MED13L: variants seen among roughly 807,000 people sequenced by gnomAD.
The protein encoded by MED13L is mediator complex subunit 13L, also known as mediator of RNA polymerase II transcription subunit 13-like.
MED13L carries 7 observed loss-of-function variants against 220.9 expected under a neutral mutation model. The observed-to-expected ratio is 0.03, with a 90% CI of 0.02 to 0.06. The LOEUF (loss-of-function observed/expected upper bound fraction) is 0.06. Among genes scored for constraint, MED13L ranks in the 10% least tolerant of loss-of-function variants. The pLI is 1.00. For synonymous variants in MED13L, 1,011 were observed against 1,015.2 expected, an observed-to-expected ratio of 1.00 and a Z score of 0.08; for missense variants, 1,965 against 2,760.5, an observed-to-expected ratio of 0.71 and a Z score of 6.46.
At chr12:116,223,732 C>A (rs1868673377) in intron 2 of MED13L, among the ~76,000 whole-genome samples, 1 of 151,822 alleles carries the variant, frequency 6.6e-6, no homozygotes, top group African/African-American at 2.4e-5. Flanking sequence ...TAAGATACTG[C>A]AAAAAGAGAA....
intron 1 of MED13L, among the ~76,000 whole-genome samples, chr12:116,249,297 G>T (rs1253261948): frequency 6.6e-6 from 1 of 152,112 alleles, no homozygotes; most frequent in Non-Finnish European, 1.5e-5. Context: ...TCTAACCCAA[G>T]CTAATAATCA....
At chr12:116,078,936 A>T (rs1871023434) in intron 4 of MED13L, among the ~76,000 whole-genome samples, 1 of 152,230 alleles carries the variant, frequency 6.6e-6, no homozygotes, top group Non-Finnish European at 1.5e-5. Flanking sequence ...CTATTTCAGA[A>T]TGACATCAAG....
intron 4 of MED13L, among the ~76,000 whole-genome samples, chr12:116,086,283 CTTT>C (rs756507659): frequency 3.7e-5 from 4 of 109,482 alleles, no homozygotes; most frequent in Non-Finnish European, 1.8e-5. Flanking sequence ...CACGATAATT[CTTT>C]TTTTTTTTTT....
intron 8 of MED13L, among the ~76,000 whole-genome samples, chr12:116,013,491 A>G (rs1879542088): frequency 6.6e-6 from 1 of 152,190 alleles, no homozygotes; most frequent in African/African-American, 2.4e-5. Flanking sequence ...TTGTGCTTAG[A>G]CTTAAGTCCC....
intron 2 of MED13L, among the ~76,000 whole-genome samples, chr12:116,214,165 G>T (rs1223812441): frequency 1.3e-5 from 2 of 152,128 alleles, no homozygotes; most frequent in African/African-American, 4.8e-5. Flanking sequence ...AGTAAATTAG[G>T]ATTCCTTAGT....
At chr12:116,099,116 G>A (rs2392969) in intron 3 of MED13L, among the ~76,000 whole-genome samples, 64,038 of 151,912 alleles carry the variant, frequency 0.42, 13,685 homozygotes, top group Middle Eastern at 0.47. Flanking sequence ...GGCAATTTTT[G>A]TAGATGAAGA....
intron 2 of MED13L, among the ~76,000 whole-genome samples, chr12:116,165,504 G>A (rs1185274331): frequency 1.3e-5 from 2 of 151,688 alleles, no homozygotes; most frequent in East Asian, 3.9e-4. Context: ...CTAACTTTTT[G>A]TATTTTTAGT....
At chr12:116,192,177 G>A (rs1881333068) in intron 2 of MED13L, among the ~76,000 whole-genome samples, 2 of 152,112 alleles carry the variant, frequency 1.3e-5, no homozygotes. Flanking sequence ...CAGTGCCCTG[G>A]ATCCACATCT....
At chr12:116,250,095 A>G (rs1170325196) in intron 1 of MED13L, among the ~76,000 whole-genome samples, 3 of 151,450 alleles carry the variant, frequency 2.0e-5, no homozygotes, top group Non-Finnish European at 2.9e-5. Flanking sequence ...CCAGTGATAA[A>G]AAGGAAAATA....
intron 2 of MED13L, among the ~76,000 whole-genome samples, chr12:116,130,357 CCCACAG>C (rs951856181): frequency 6.6e-6 from 1 of 152,136 alleles, no homozygotes; most frequent in African/African-American, 2.4e-5. Flanking sequence ...CCAAGAATTC[CCCACAG>C]CCACCCGCTA....
chr12:116,258,975 G>A (rs1409787132), intron 1 of MED13L, among the ~76,000 whole-genome samples: 24 of 148,912 alleles, frequency 1.6e-4, no homozygotes, highest in African/African-American at 5.9e-4. Flanking sequence ...ATTACAGGCA[G>A]GGACAGAAAA....
chr12:116,216,895 T>C (rs966618391), intron 2 of MED13L, among the ~76,000 whole-genome samples: 2 of 152,316 alleles, frequency 1.3e-5, no homozygotes, highest in African/African-American at 2.4e-5. Flanking sequence ...CCCATATCAA[T>C]GTACAAAAAT....
intron 28 of MED13L, among the ~76,000 whole-genome samples, chr12:115,966,515 T>C (rs909996491): frequency 1.1e-4 from 16 of 152,238 alleles, no homozygotes; most frequent in Non-Finnish European, 1.9e-4. Flanking sequence ...ATCTATTTCA[T>C]GGCATTATGA....
intron 25 of MED13L, 148 bp from the exon 26 acceptor site, chr12:115,972,384 T>C: frequency 1.1e-6 from 1 of 880,794 alleles, no homozygotes; most frequent in Non-Finnish European, 1.8e-6. Flanking sequence ...CCCTCCTTGC[T>C]ATAGAGAATG....
chr12:116,223,332 TA>T (rs565853514), intron 2 of MED13L, among the ~76,000 whole-genome samples: 9 of 150,924 alleles, frequency 6.0e-5, no homozygotes, highest in African/African-American at 2.2e-4. Flanking sequence ...TCTACAATAC[TA>T]AAAAAAAATA....
chr12:116,134,053 C>T (rs1430870416), intron 2 of MED13L, among the ~76,000 whole-genome samples: 2 of 152,140 alleles, frequency 1.3e-5, no homozygotes, highest in Non-Finnish European at 1.5e-5. Flanking sequence ...CCTATTGTGC[C>T]CTGTCTTAAG....
intron 2 of MED13L, among the ~76,000 whole-genome samples, chr12:116,129,102 T>A (rs554198354): frequency 1.3e-5 from 2 of 152,332 alleles, no homozygotes; most frequent in African/African-American, 4.8e-5. Context: ...TTGTGATTGT[T>A]TCTCACCAAT....
At chr12:116,258,778 A>G (rs1010429609) in intron 1 of MED13L, among the ~76,000 whole-genome samples, 70 of 115,196 alleles carry the variant, frequency 6.1e-4, no homozygotes, top group Admixed American at 5.6e-3. Context: ...TCCATCTCAG[A>G]AAAAAAAAAA....
intron 2 of MED13L, among the ~76,000 whole-genome samples, chr12:116,185,105 A>G (rs1025921276): frequency 3.9e-5 from 6 of 152,218 alleles, no homozygotes; most frequent in African/African-American, 1.4e-4. Flanking sequence ...AATTTTAACA[A>G]ACATCTTTAT....
Sources: allele counts gnomAD v4.1 joint callset (sites outside exome capture counted in the v4.1 genomes callset), GRCh38; gene constraint gnomAD v4.1.1; transcripts MANE v1.5; gene names NCBI Gene and HGNC (gene_info 2026-07-23, HGNC 2026-07-21).